Variants in ZMYND8 observed in about 807,000 individuals in gnomAD.
ZMYND8 encodes zinc finger MYND-type containing 8.
In ZMYND8, 37 loss-of-function variants were observed where a neutral mutation model predicts 140.8. The observed-to-expected ratio is 0.26, with a 90% CI of 0.20 to 0.35. The LOEUF is 0.35. ZMYND8 is among the 10% of genes least tolerant of loss of function. The pLI, the probability that ZMYND8 is intolerant of heterozygous loss-of-function variation, is 1.00. For missense variants in ZMYND8, 1,068 were observed against 1,570.0 expected (o/e 0.68, Z 5.40); for synonymous variants, 592 against 597.1 (o/e 0.99, Z 0.12).
At position 47,291,897 on chromosome 20, in the gene ZMYND8, G is replaced by A; in HGVS notation, c.568-9C>T. On this transcript the variant is annotated splice_polypyrimidine_tract_variant and intron_variant, in intron 5 of 22. Transcript: ENST00000471951. ...TTCTGGAATGCATCTGTCTATAAAA[G>A]AGAAGATATGCAGAGGAACGAACCC... is the stretch of plus-strand genomic sequence containing the variant. 6.2e-7 allele frequency: 1 copy of A among 1,608,530 alleles called. No individual in the cohort carries two copies. Among genetic ancestry groups the A allele is most frequent in the Non-Finnish European group, 8.5e-7 (1 of 1,177,080 alleles).
chr20:47,243,504 G>GT (rs1568970612), intron 14 of ZMYND8, among the ~76,000 whole-genome samples: 1 of 151,984 alleles, frequency 6.6e-6, no homozygotes, highest in African/African-American at 2.4e-5. Context: ...ATGGTTTTTT[G>GT]TTTTTTTGGA....
In ZMYND8 at chr20:47,277,125, G is replaced by GA. The variant is rs1323707020; in HGVS notation, c.999-331dup. On this transcript the variant is annotated intron_variant, in intron 10 of 22. Transcript: ENST00000471951. ...AGCCACTGCATCTGACAACACCTCT[G>GA]AAAAGAGACTTATTCCTCAGGTTAC... Among the ~76,000 whole-genome samples the GA allele has an allele frequency of 5.9e-5, 9 of 152,288 alleles. No individual in the cohort carries two copies. In the South Asian group the frequency reaches 1.2e-3, roughly 21 times the overall value.
rs745681472 is a variant in ZMYND8 at position 47,229,771 on chromosome 20, T to C, written c.2892A>G (p.Ile964Met). ...MDAIKGTMTE[I>M]YNDLSKNTTG... ...TAGTGTTTTTAGAAAGATCGTTGTA[T>C]ATTTCTGTCATTGTTCCTTTTATTG... The change falls in exon 17 of 23, where the codon ATA becomes ATG. Residue 964 changes from isoleucine to methionine, a missense_variant. Ile to Met is a conservative substitution (Grantham distance 10). Coordinates refer to ENST00000471951, the MANE Select transcript of ZMYND8 (RefSeq NM_001281775.3). The C allele has an allele frequency of 6.2e-6, 10 of 1,613,534 alleles. No individual in the cohort carries two copies. Among genetic ancestry groups the C allele is most frequent in the Non-Finnish European group, 7.6e-6 (9 of 1,179,878 alleles).
Position 47,238,936 on chromosome 20 carries a change from C to G in ZMYND8, c.2487G>C (p.Glu829Asp), listed in dbSNP as rs747422979. The G allele has an allele frequency of 6.2e-7, 1 of 1,614,072 alleles. No homozygotes were observed. Among genetic ancestry groups the G allele is most frequent in the South Asian group, 1.1e-5 (1 of 91,086 alleles). The change falls in exon 15 of 23, where the codon GAG becomes GAC. Residue 829 changes from glutamate (E) to aspartate (D), a missense_variant. By Grantham distance (45) the Glu-to-Asp change is conservative. Transcript: ENST00000471951. ...CGACCCGCTGCACGGCCGGGGCAGT[C>G]TCCTTCGGTAAAAGCGGCCTCTGCT... ...VKKQRPLLPK[E>D]TAPAVQRVVW...
intron 12 of ZMYND8, among the ~76,000 whole-genome samples, chr20:47,253,489 A>G (rs557172508): frequency 2.0e-5 from 3 of 149,380 alleles, no homozygotes; most frequent in African/African-American, 5.0e-5. Context: ...GTGAGCCGAG[A>G]TCACACCACT....
At chr20:47,343,483 G>A (rs1168256272) in intron 2 of ZMYND8, among the ~76,000 whole-genome samples, 1 of 151,972 alleles carries the variant, frequency 6.6e-6, no homozygotes, top group Non-Finnish European at 1.5e-5. Flanking sequence ...AATACATGAG[G>A]GAGAAAAGAC....
chr20:47,279,383 T>C (rs1462715664), intron 10 of ZMYND8, among the ~76,000 whole-genome samples: 2 of 151,978 alleles, frequency 1.3e-5, no homozygotes, highest in African/African-American at 2.4e-5. Flanking sequence ...GGTGGGAGAA[T>C]TGCTTGAATG....
intron 1 of ZMYND8, chr20:47,352,505 A>T (rs1472181813): frequency 1.0e-6 from 1 of 985,310 alleles, no homozygotes; most frequent in Non-Finnish European, 1.2e-6. Flanking sequence ...GACCACCCCC[A>T]ACAGAGCCTG....
At chr20:47,259,037 G>GGAA (rs1361748190) in intron 12 of ZMYND8, among the ~76,000 whole-genome samples, 1 of 151,828 alleles carries the variant, frequency 6.6e-6, no homozygotes, top group Admixed American at 6.6e-5. Flanking sequence ...ACACACAACA[G>GGAA]GAAGAAACCT....
At chr20:47,272,154 T>C (rs949937836) in intron 11 of ZMYND8, among the ~76,000 whole-genome samples, 3 of 151,926 alleles carry the variant, frequency 2.0e-5, no homozygotes, top group African/African-American at 7.3e-5. Flanking sequence ...CTCGGCTCAC[T>C]GCAAGCTCTG....
At chr20:47,271,164 T>TCCC (rs746021125) in intron 11 of ZMYND8, among the ~76,000 whole-genome samples, 2 of 151,932 alleles carry the variant, frequency 1.3e-5, no homozygotes, top group Non-Finnish European at 2.9e-5. Flanking sequence ...GAGGAAAAGG[T>TCCC]CCCTGGTCTC....
At chr20:47,272,136 G>A (rs971077206) in intron 11 of ZMYND8, among the ~76,000 whole-genome samples, 2 of 151,878 alleles carry the variant, frequency 1.3e-5, no homozygotes, top group Non-Finnish European at 2.9e-5. Context: ...GGAGTGCAGT[G>A]GTGCGATCTC....
At chr20:47,236,565 C>A in intron 15 of ZMYND8, 49 bp from the exon 16 acceptor site, 1 of 1,483,500 alleles carries the variant, frequency 6.7e-7, no homozygotes, top group East Asian at 2.4e-5. Flanking sequence ...GGACCCATCC[C>A]AGCACAAAGC....
intron 11 of ZMYND8, among the ~76,000 whole-genome samples, chr20:47,264,717 G>A (rs914415665): frequency 6.6e-6 from 1 of 152,182 alleles, no homozygotes; most frequent in Admixed American, 6.5e-5. Flanking sequence ...GTAAGACATA[G>A]AACTGAAGTG....
At chr20:47,349,770 G>A (rs963035887) in intron 1 of ZMYND8, 1 of 1,489,044 alleles carries the variant, frequency 6.7e-7, no homozygotes, top group African/African-American at 1.4e-5. Context: ...CCCATATTTT[G>A]AGTAATAGAG....
At chr20:47,249,522 A>G in intron 12 of ZMYND8, 83 bp from the exon 13 acceptor site, 1 of 1,549,490 alleles carries the variant, frequency 6.5e-7, no homozygotes, top group Non-Finnish European at 8.7e-7. Flanking sequence ...GTCAGAGCAA[A>G]ACACACATTT....
At chr20:47,311,385 C>A (rs1264171735) in intron 2 of ZMYND8, among the ~76,000 whole-genome samples, 1 of 152,112 alleles carries the variant, frequency 6.6e-6, no homozygotes, top group Non-Finnish European at 1.5e-5. Flanking sequence ...CCGAGGCAGG[C>A]GGATCACCTG....
chr20:47,223,880 C>T (rs1056518520), intron 19 of ZMYND8, among the ~76,000 whole-genome samples: 1 of 151,714 alleles, frequency 6.6e-6, no homozygotes, highest in Non-Finnish European at 1.5e-5. Flanking sequence ...CTGCTGGAAG[C>T]TCTAGGCCTG....
chr20:47,312,941 C>A (rs1189303017), intron 2 of ZMYND8, among the ~76,000 whole-genome samples: 1 of 152,164 alleles, frequency 6.6e-6, no homozygotes, highest in African/African-American at 2.4e-5. Flanking sequence ...CCAACAATCT[C>A]CTCTAGAAAC....
Sources: gnomAD v4.1 joint callset for allele counts (sites outside exome capture counted in the v4.1 genomes callset) on GRCh38, gnomAD v4.1.1 for gene constraint, MANE v1.5 for transcripts, NCBI Gene and HGNC (gene_info 2026-07-23, HGNC 2026-07-21) for gene names.